HPSE2: variants seen among roughly 807,000 people sequenced by gnomAD.
HPSE2 encodes the protein heparanase 2 (inactive).
In HPSE2, 38 loss-of-function variants were observed where a neutral mutation model predicts 60.5. The observed-to-expected ratio is 0.63, with a 90% CI of 0.48 to 0.82. The LOEUF (loss-of-function observed/expected upper bound fraction) is 0.82. Among genes scored for constraint, HPSE2 ranks in the 40% least tolerant of loss-of-function variants. The pLI is 0.00. For synonymous variants in HPSE2, 295 were observed against 293.2 expected, an observed-to-expected ratio of 1.01 and a Z score of -0.06; for missense variants, 713 against 740.4, an observed-to-expected ratio of 0.96 and a Z score of 0.43.
At chr10:99,197,335 A>G (rs767148295) in intron 2 of HPSE2, among the ~76,000 whole-genome samples, 3 of 152,188 alleles carry the variant, frequency 2.0e-5, no homozygotes, top group Non-Finnish European at 4.4e-5. Context: ...ACAGTAAATA[A>G]TAAAATGTAC....
chr10:99,121,005 C>T (rs1387157474), intron 3 of HPSE2, among the ~76,000 whole-genome samples: 2 of 152,122 alleles, frequency 1.3e-5, no homozygotes, highest in Admixed American at 6.5e-5. Context: ...CACATACATG[C>T]GTATGTTCAT....
At chr10:98,914,823 A>G (rs1456629517) in intron 3 of HPSE2, among the ~76,000 whole-genome samples, 4 of 151,944 alleles carry the variant, frequency 2.6e-5, no homozygotes, top group African/African-American at 9.7e-5. Flanking sequence ...CAAAGGGAAA[A>G]TAGAAGATGG....
chr10:98,956,450 C>T (rs771590185), intron 3 of HPSE2, among the ~76,000 whole-genome samples: 1 of 152,128 alleles, frequency 6.6e-6, no homozygotes, highest in Non-Finnish European at 1.5e-5. Context: ...ACTTATTTCT[C>T]TCTCATTTAA....
At chr10:98,761,091 T>C (rs999367582) in intron 3 of HPSE2, among the ~76,000 whole-genome samples, 6 of 152,136 alleles carry the variant, frequency 3.9e-5, no homozygotes, top group African/African-American at 1.4e-4. Context: ...TTATCCAATA[T>C]GTGGTGTACA....
chr10:98,932,923 C>T lies in HPSE2; in HGVS notation c.611-188867G>A, dbSNP rs576715161. 9.8e-5 allele frequency among the ~76,000 whole-genome samples: 14 copies of T among 143,324 alleles called. 1 individual carries two copies. Among genetic ancestry groups the T allele is most frequent in the African/African-American group, 4.0e-4 (14 of 35,168 alleles). The allele number at this position is 143,324 out of a possible 152,430, so 94.0% of individuals were successfully genotyped here. A position where few individuals can be genotyped will look rare whatever the true frequency, so the allele number is the denominator to read the frequency against. On this transcript the variant is annotated intron_variant, in intron 3 of 11. Coordinates refer to ENST00000370552, the MANE Select transcript of HPSE2 (RefSeq NM_021828.5). Reference sequence around the variant, plus strand: ...TCTATTTTATTGATTTTTTCAAAAACACAGCTCCTGGATTTGTTGATTTTT... The same window carrying T: ...TCTATTTTATTGATTTTTTCAAAAATACAGCTCCTGGATTTGTTGATTTTT...
At chr10:98,592,840 A>C in intron 9 of HPSE2, among the ~76,000 whole-genome samples, 1 of 152,178 alleles carries the variant, frequency 6.6e-6, no homozygotes, top group Non-Finnish European at 1.5e-5. Flanking sequence ...TACTTCAAAA[A>C]GTCATCCTGA....
chr10:98,534,342 C>T (rs1943218067), intron 9 of HPSE2, among the ~76,000 whole-genome samples: 1 of 152,138 alleles, frequency 6.6e-6, no homozygotes, highest in African/African-American at 2.4e-5. Flanking sequence ...TAGTCATAAC[C>T]TGAGATTTTT....
intron 3 of HPSE2, among the ~76,000 whole-genome samples, chr10:99,100,194 G>A (rs868602321): frequency 1.2e-4 from 18 of 152,254 alleles, no homozygotes; most frequent in African/African-American, 3.6e-4. Flanking sequence ...AAACTTCTCC[G>A]AGCTAAAGAA....
chr10:99,033,828 C>T (rs115450874), intron 3 of HPSE2, among the ~76,000 whole-genome samples: 5 of 151,698 alleles, frequency 3.3e-5, no homozygotes, highest in South Asian at 2.1e-4. Context: ...CAACAGCAGG[C>T]GCTATAAAGG....
chr10:98,503,035 A>C (rs1288833902), intron 9 of HPSE2, among the ~76,000 whole-genome samples: 1 of 152,066 alleles, frequency 6.6e-6, no homozygotes, highest in Non-Finnish European at 1.5e-5. Flanking sequence ...AACATGGTGA[A>C]ACCCCGTCTC....
intron 3 of HPSE2, among the ~76,000 whole-genome samples, chr10:98,817,678 C>T (rs1028002658): frequency 6.6e-6 from 1 of 152,182 alleles, no homozygotes; most frequent in Non-Finnish European, 1.5e-5. Flanking sequence ...TTCCCTTCTA[C>T]TCTTCTGACT....
chr10:98,812,934 T>G (rs569827159), intron 3 of HPSE2, among the ~76,000 whole-genome samples: 1 of 152,154 alleles, frequency 6.6e-6, no homozygotes, highest in Non-Finnish European at 1.5e-5. Flanking sequence ...GATTCACATT[T>G]TCAGGGAAGT....
intron 4 of HPSE2, 61 bp downstream of exon 4, chr10:98,743,822 C>T (rs759034760): frequency 5.5e-5 from 82 of 1,492,120 alleles, no homozygotes; most frequent in Middle Eastern, 3.5e-4. Context: ...GACTGTATCA[C>T]AAGCCAACTT....
chr10:98,705,259 G>T (rs556566224), intron 5 of HPSE2, among the ~76,000 whole-genome samples: 1 of 152,174 alleles, frequency 6.6e-6, no homozygotes, highest in Non-Finnish European at 1.5e-5. Flanking sequence ...AGAAACAATA[G>T]ATGCTGGCGA....
At chr10:98,589,225 G>T (rs762807956) in intron 9 of HPSE2, among the ~76,000 whole-genome samples, 8 of 152,220 alleles carry the variant, frequency 5.3e-5, no homozygotes, top group Non-Finnish European at 8.8e-5. Flanking sequence ...AATCACAGCT[G>T]TGTAGTCATA....
At chr10:98,877,929 T>C (rs1952920745) in intron 3 of HPSE2, among the ~76,000 whole-genome samples, 1 of 151,880 alleles carries the variant, frequency 6.6e-6, no homozygotes. Flanking sequence ...TGGATAACTT[T>C]CTAGGTTTAA....
chr10:99,063,274 A>G (rs1842507710), intron 3 of HPSE2, among the ~76,000 whole-genome samples: 1 of 152,128 alleles, frequency 6.6e-6, no homozygotes, highest in Non-Finnish European at 1.5e-5. Context: ...AAATGTTAGT[A>G]CCCCAATAAT....
intron 3 of HPSE2, among the ~76,000 whole-genome samples, chr10:99,063,309 G>T (rs927691064): frequency 1.3e-5 from 2 of 151,188 alleles, no homozygotes; most frequent in African/African-American, 4.9e-5. Flanking sequence ...AAATCAATAT[G>T]AAAAATACAA....
Position 98,682,027 on chromosome 10 carries a change from G to A in HPSE2, c.1004+11873C>T, listed in dbSNP as rs141196297. Among the ~76,000 whole-genome samples the A allele has an allele frequency of 1.5e-3, 229 of 152,292 alleles. 3 individuals are homozygous for A. The highest frequency in any genetic ancestry group is 5.2e-3 in the African/African-American group (218 of 41,574). On this transcript the variant is annotated intron_variant, in intron 6 of 11. Coordinates refer to ENST00000370552, the MANE Select transcript of HPSE2 (RefSeq NM_021828.5). ...CTAATCTACCTGACATAGTTTGGAT[G>A]TCCCCTTCAAATCTCCTCTTGAAAT...
Sources: allele counts gnomAD v4.1 joint callset (sites outside exome capture counted in the v4.1 genomes callset), GRCh38; gene constraint gnomAD v4.1.1; transcripts MANE v1.5; gene names NCBI Gene and HGNC (gene_info 2026-07-23, HGNC 2026-07-21).